Variants in CDC42BPA observed in about 807,000 individuals in gnomAD.
The protein encoded by CDC42BPA is serine/threonine-protein kinase MRCK alpha.
Under a neutral mutation model 223.5 loss-of-function variants are expected in CDC42BPA, and 80 were observed. The ratio of observed to expected loss-of-function variants is 0.36; its 90% confidence interval spans 0.30 to 0.43. The LOEUF (loss-of-function observed/expected upper bound fraction) is 0.43. Ranked by LOEUF, CDC42BPA falls within the 20% of genes least tolerant of loss-of-function variation. The pLI, the probability that CDC42BPA is intolerant of heterozygous loss-of-function variation, is 1.00. For missense variants in CDC42BPA, 1,743 were observed against 2,099.9 expected, an observed-to-expected ratio of 0.83 and a Z score of 3.32; for synonymous variants, 694 against 718.6, an observed-to-expected ratio of 0.97 and a Z score of 0.55.
At chr1:227,316,735 A>T (rs1694465267) in intron 1 of CDC42BPA, among the ~76,000 whole-genome samples, 1 of 152,200 alleles carries the variant, frequency 6.6e-6, no homozygotes, top group Non-Finnish European at 1.5e-5. Flanking sequence ...ATTGATTTAA[A>T]ATCTCTTACT....
At chr1:227,208,468 C>G (rs1402449821) in intron 3 of CDC42BPA, among the ~76,000 whole-genome samples, 2 of 144,264 alleles carry the variant, frequency 1.4e-5, no homozygotes, top group East Asian at 4.0e-4. Context: ...AGGTTTTCTT[C>G]TAGGGTTTTT....
At chr1:227,121,208 G>A (rs689094) in intron 11 of CDC42BPA, among the ~76,000 whole-genome samples, 96,121 of 152,038 alleles carry the variant, frequency 0.63, 30,535 homozygotes, top group East Asian at 0.72. Context: ...TCAAGCCCCA[G>A]TCAAGACCTA....
chr1:227,204,381 T>A (rs1672307161), intron 3 of CDC42BPA, among the ~76,000 whole-genome samples: 2 of 152,166 alleles, frequency 1.3e-5, no homozygotes, highest in Non-Finnish European at 2.9e-5. Context: ...AAAACAGACA[T>A]GTTTACATAC....
At chr1:227,257,740 T>G in intron 1 of CDC42BPA, among the ~76,000 whole-genome samples, 1 of 149,224 alleles carries the variant, frequency 6.7e-6, no homozygotes, top group East Asian at 2.0e-4. Context: ...GGCGATTGAG[T>G]GAGACTCTGT....
chr1:227,175,773 C>T (rs1426906132), intron 5 of CDC42BPA, among the ~76,000 whole-genome samples: 1 of 152,154 alleles, frequency 6.6e-6, no homozygotes, highest in Non-Finnish European at 1.5e-5. Flanking sequence ...CATGACAAGA[C>T]ATACAGGGCT....
intron 10 of CDC42BPA, among the ~76,000 whole-genome samples, chr1:227,131,008 T>G (rs1656986736): frequency 6.6e-6 from 1 of 152,238 alleles, no homozygotes; most frequent in African/African-American, 2.4e-5. Context: ...CTAGGTCTAC[T>G]GAAATGACCA....
chr1:227,074,241 A>G lies in CDC42BPA; in HGVS notation c.2586+18T>C. On this transcript the variant is annotated intron_variant, in intron 18 of 36. Coordinates refer to ENST00000366766, the MANE Select transcript of CDC42BPA (RefSeq NM_001394014.1). ...TTTCTAATATGATAAGCCTCCATGC[A>G]AAATCATAGAAGCTTACTGTTGCTC... 6.4e-7 allele frequency: 1 copy of G among 1,557,434 alleles called. No homozygotes were observed. The highest frequency in any genetic ancestry group is 8.8e-7 in the Non-Finnish European group (1 of 1,132,896).
intron 21 of CDC42BPA, among the ~76,000 whole-genome samples, chr1:227,058,474 C>G (rs1268990945): frequency 1.3e-5 from 2 of 152,186 alleles, no homozygotes; most frequent in African/African-American, 4.8e-5. Context: ...GACTGGTGAA[C>G]ATTACGAATT....
chr1:227,187,176 C>T (rs1189817872), intron 5 of CDC42BPA, among the ~76,000 whole-genome samples: 1 of 152,122 alleles, frequency 6.6e-6, no homozygotes, highest in Non-Finnish European at 1.5e-5. Context: ...AAAAACGGGA[C>T]AGAGACTGGA....
chr1:227,106,990 C>T (rs1351825090), intron 14 of CDC42BPA, among the ~76,000 whole-genome samples: 2 of 152,152 alleles, frequency 1.3e-5, no homozygotes, highest in Non-Finnish European at 2.9e-5. Context: ...TGAAGTATGA[C>T]TCCTCCAACT....
At chr1:227,280,616 C>G (rs576494206) in intron 1 of CDC42BPA, among the ~76,000 whole-genome samples, 2 of 152,228 alleles carry the variant, frequency 1.3e-5, no homozygotes, top group Non-Finnish European at 2.9e-5. Context: ...ACCAAGGATA[C>G]AGATACCACA....
At position 226,994,231 on chromosome 1, in the gene CDC42BPA, G is replaced by A. The variant is rs1553286524; in HGVS notation, c.*37C>T. The A allele has an allele frequency of 6.5e-7, 1 of 1,547,778 alleles. No homozygotes were observed. The highest frequency in any genetic ancestry group is 2.4e-5 in the East Asian group (1 of 40,922). On this transcript the variant is annotated 3_prime_UTR_variant, in exon 37 of 37. Coordinates refer to ENST00000366766, the MANE Select transcript of CDC42BPA (RefSeq NM_001394014.1). The surrounding 1 kb of genome is among the most constrained non-coding windows in gnomAD (Gnocchi z 4.0). ...TGAAAGTGAGAGGAGGCGAGTGGCAGGGAGCGGAGAGCGAGAGGTCCCAGT... is the reference window on the plus strand; with the variant it reads ...TGAAAGTGAGAGGAGGCGAGTGGCAAGGAGCGGAGAGCGAGAGGTCCCAGT...
intron 2 of CDC42BPA, among the ~76,000 whole-genome samples, chr1:227,246,592 G>T (rs1681012851): frequency 6.6e-6 from 1 of 152,156 alleles, no homozygotes; most frequent in Non-Finnish European, 1.5e-5. Context: ...TGGTAATCCA[G>T]AGAAAACTTT....
intron 5 of CDC42BPA, among the ~76,000 whole-genome samples, chr1:227,163,859 CTTTTCCAGTTTTTAAA>C (rs1664561905): frequency 6.6e-6 from 1 of 151,814 alleles, no homozygotes; most frequent in Non-Finnish European, 1.5e-5. Flanking sequence ...TAAAGTTATG[CTTTTCCAGTTTTTAAA>C]TCTACCGGGG....
intron 1 of CDC42BPA, among the ~76,000 whole-genome samples, chr1:227,260,050 A>G (rs1168451157): frequency 6.7e-6 from 1 of 148,520 alleles, no homozygotes. Flanking sequence ...AAAAAAAAAA[A>G]GGTTTAGAAA....
At chr1:227,084,148 A>G (rs1681319875) in intron 16 of CDC42BPA, among the ~76,000 whole-genome samples, 1 of 152,168 alleles carries the variant, frequency 6.6e-6, no homozygotes, top group Non-Finnish European at 1.5e-5. Context: ...TTTAAAATCC[A>G]GCTTTATAGC....
At chr1:227,166,386 A>C (rs944689426) in intron 5 of CDC42BPA, among the ~76,000 whole-genome samples, 1 of 152,222 alleles carries the variant, frequency 6.6e-6, no homozygotes, top group Non-Finnish European at 1.5e-5. Flanking sequence ...GGTATGAGGC[A>C]GAATTTGAAG....
At chr1:227,199,430 A>T in intron 4 of CDC42BPA, 127 bp downstream of exon 4, 1 of 572,910 alleles carries the variant, frequency 1.7e-6, no homozygotes, top group Non-Finnish European at 3.0e-6. Flanking sequence ...TCAAGTGAAC[A>T]ACTTACCCTG....
intron 10 of CDC42BPA, among the ~76,000 whole-genome samples, chr1:227,132,151 TCCTCTC>T (rs1404695161): frequency 6.6e-6 from 1 of 151,954 alleles, no homozygotes; most frequent in Non-Finnish European, 1.5e-5. Flanking sequence ...CCCACGGTCT[TCCTCTC>T]CCTCTCTTTC....
Sources: gnomAD v4.1 joint callset for allele counts (sites outside exome capture counted in the v4.1 genomes callset) on GRCh38, gnomAD v4.1.1 for gene constraint, Gnocchi (gnomAD v3.1) non-coding constraint, MANE v1.5 for transcripts, NCBI Gene and HGNC (gene_info 2026-07-23, HGNC 2026-07-21) for gene names.